MAP2K6: variants seen among roughly 807,000 people sequenced by gnomAD.
MAP2K6 encodes the protein dual specificity mitogen-activated protein kinase kinase 6.
In MAP2K6, 16 loss-of-function variants were observed where a neutral mutation model predicts 53.7. The ratio of observed to expected loss-of-function variants is 0.30; its 90% CI spans 0.20 to 0.45. MAP2K6 has a LOEUF of 0.45. Among genes scored for constraint, MAP2K6 ranks in the 20% least tolerant of loss-of-function variants. MAP2K6 has a pLI of 1.00. For synonymous variants in MAP2K6, 132 were observed against 143.1 expected, an observed-to-expected ratio of 0.92 and a Z score of 0.55; for missense variants, 204 against 411.9, an observed-to-expected ratio of 0.50 and a Z score of 4.37.
intron 11 of MAP2K6, among the ~76,000 whole-genome samples, chr17:69,539,467 C>T (rs1051503043): frequency 6.6e-6 from 1 of 152,134 alleles, no homozygotes; most frequent in African/African-American, 2.4e-5. Flanking sequence ...CCCTCTTAAC[C>T]TTTTACAGCC....
chr17:69,539,566 A>G (rs1003358326), intron 11 of MAP2K6, among the ~76,000 whole-genome samples: 4 of 151,876 alleles, frequency 2.6e-5, no homozygotes, highest in African/African-American at 7.3e-5. Flanking sequence ...CTCTCATAGC[A>G]TTTTCTCAAC....
intron 1 of MAP2K6, among the ~76,000 whole-genome samples, chr17:69,437,238 AT>A (rs1347296833): frequency 6.6e-6 from 1 of 152,244 alleles, no homozygotes; most frequent in African/African-American, 2.4e-5. Context: ...TGTTATGTGT[AT>A]TATATACTAT....
chr17:69,534,658 A>T (rs1911266184), intron 10 of MAP2K6, among the ~76,000 whole-genome samples: 1 of 151,570 alleles, frequency 6.6e-6, no homozygotes, highest in Non-Finnish European at 1.5e-5. Context: ...TTACCCCGTC[A>T]TGCTTAGCTT....
chr17:69,486,965 G>T (rs996376049), intron 1 of MAP2K6, among the ~76,000 whole-genome samples: 11 of 152,176 alleles, frequency 7.2e-5, no homozygotes, highest in African/African-American at 2.7e-4. Flanking sequence ...GTGAAAATAT[G>T]TTGGGCAAAG....
chr17:69,449,581 C>CTTTCTTTCTTTT (rs1907127173), intron 1 of MAP2K6, among the ~76,000 whole-genome samples: 1 of 94,576 alleles, frequency 1.1e-5, no homozygotes, highest in Admixed American at 1.0e-4. Flanking sequence ...TTCTTTCTTT[C>CTTTCTTTCTTTT]TTTCTTTCTT....
At chr17:69,535,786 G>A (rs776622511) in intron 10 of MAP2K6, among the ~76,000 whole-genome samples, 7 of 152,032 alleles carry the variant, frequency 4.6e-5, no homozygotes, top group Non-Finnish European at 8.8e-5. Context: ...TGGCATTAAA[G>A]CTGCTTTGAA....
intron 1 of MAP2K6, among the ~76,000 whole-genome samples, chr17:69,443,312 G>C (rs12453226): frequency 0.35 from 53,807 of 151,932 alleles, 10,479 homozygotes; most frequent in Admixed American, 0.43. Flanking sequence ...TGAACTTGGA[G>C]TAACCAAGCA....
chr17:69,484,133 A>G (rs188703731), intron 1 of MAP2K6, among the ~76,000 whole-genome samples: 79 of 152,240 alleles, frequency 5.2e-4, no homozygotes, highest in Non-Finnish European at 8.1e-4. Flanking sequence ...CAAAGACACA[A>G]TCAGGAAAGT....
chr17:69,509,595 A>G lies in MAP2K6; in HGVS notation c.83+3749A>G, dbSNP rs1284744794. ...AGACTGTTTTATTTTTTCTTTTCCA[A>G]TCTTTACTTTGATTTTTACTTTCAT... On this transcript the variant is annotated intron_variant, in intron 2 of 11. Coordinates refer to ENST00000590474, the MANE Select transcript of MAP2K6 (RefSeq NM_002758.4). Among the ~76,000 whole-genome samples the G allele has an allele frequency of 5.3e-5, 8 of 152,156 alleles. No individual in the cohort carries two copies. The East Asian group carries it at 1.2e-3, about 22-fold the overall frequency.
chr17:69,480,978 G>C (rs1156945160), intron 1 of MAP2K6, among the ~76,000 whole-genome samples: 2 of 152,092 alleles, frequency 1.3e-5, no homozygotes, highest in Non-Finnish European at 2.9e-5. Flanking sequence ...CCTTTTGAAA[G>C]ATGTTTAAAT....
Position 69,521,735 on chromosome 17 carries a change from G to T in MAP2K6, c.535+635G>T, listed in dbSNP as rs551004868. The T allele has an allele frequency of 3.6e-5, 5 of 137,140 alleles. No individual in the cohort carries two copies. In the Admixed American group the frequency reaches 4.1e-4, roughly 11 times the overall value. 8.5% of individuals were successfully genotyped at this position (137,140 alleles called of 1,614,324 possible). ...TAAAATGTAATAGATCCCCTGAGAGGTATCTGAGAAGAAAATATATTCTGA... is the reference window on the plus strand; with the variant it reads ...TAAAATGTAATAGATCCCCTGAGAGTTATCTGAGAAGAAAATATATTCTGA... On this transcript the variant is annotated intron_variant, in intron 7 of 11. Coordinates refer to ENST00000590474, the MANE Select transcript of MAP2K6 (RefSeq NM_002758.4).
chr17:69,517,642 A>G (rs768611007), intron 4 of MAP2K6, 29 bp downstream of exon 4: 6 of 1,513,946 alleles, frequency 4.0e-6, no homozygotes, highest in Admixed American at 3.7e-5. Flanking sequence ...CAAATGTTTT[A>G]TATCTGCTGT....
intron 1 of MAP2K6, among the ~76,000 whole-genome samples, chr17:69,472,440 G>A (rs1166385884): frequency 6.6e-6 from 1 of 152,152 alleles, no homozygotes; most frequent in Non-Finnish European, 1.5e-5. Context: ...CGCTGTCAGT[G>A]TGGAGTTTGT....
chr17:69,435,831 C>G (rs1052011236), intron 1 of MAP2K6, among the ~76,000 whole-genome samples: 32 of 152,040 alleles, frequency 2.1e-4, no homozygotes, highest in South Asian at 4.2e-4. Context: ...CCATGCCTGG[C>G]TAATTTTTAT....
chr17:69,506,908 A>G (rs929655064), intron 2 of MAP2K6, among the ~76,000 whole-genome samples: 1 of 152,102 alleles, frequency 6.6e-6, no homozygotes, highest in East Asian at 1.9e-4. Context: ...TGCAGGAGGA[A>G]GATCCGTCTT....
At chr17:69,480,613 A>G (rs2145191185) in intron 1 of MAP2K6, among the ~76,000 whole-genome samples, 1 of 152,328 alleles carries the variant, frequency 6.6e-6, no homozygotes, top group Non-Finnish European at 1.5e-5. Flanking sequence ...TCCTGAAACA[A>G]GAAGCTATAG....
chr17:69,438,070 T>G (rs937849312), intron 1 of MAP2K6, among the ~76,000 whole-genome samples: 12 of 152,364 alleles, frequency 7.9e-5, no homozygotes, highest in Admixed American at 4.6e-4. Flanking sequence ...TGAGAACTCA[T>G]CCAGGGGAAT....
Position 69,551,191 on chromosome 17 carries a change from G to A in MAP2K6, c.*9438G>A, listed in dbSNP as rs536495498. 7 of 152,260 alleles carry A rather than the reference G, an allele frequency of 4.6e-5. No individual in the cohort carries two copies. The South Asian group carries it at 6.2e-4, about 14-fold the overall frequency. The allele number at this position is 152,260 out of a possible 1,614,324, so 9.4% of individuals were successfully genotyped here. A position where few individuals can be genotyped will look rare whatever the true frequency, so the allele number is the denominator to read the frequency against. On this transcript the variant is annotated 3_prime_UTR_variant, in exon 12 of 12. Transcript: ENST00000590474. ...TAGGTTTGCAGAGGCAGGAGTTACC[G>A]TTTTTGTTCATTGACCTATCAGAAA...
chr17:69,494,071 G>T lies in MAP2K6; in HGVS notation c.17-11709G>T, dbSNP rs1418275567. Among the ~76,000 whole-genome samples, 1 of 152,174 alleles carries T rather than the reference G, an allele frequency of 6.6e-6. No homozygotes were observed. The highest frequency in any genetic ancestry group is 2.4e-5 in the African/African-American group (1 of 41,444). Reference sequence around the variant, plus strand: ...TCTGATCAATTTCTAACCAACAGAGGGATGTGTGAGTCAATAACAAGGGAT... The same window carrying T: ...TCTGATCAATTTCTAACCAACAGAGTGATGTGTGAGTCAATAACAAGGGAT... On this transcript the variant is annotated intron_variant, in intron 1 of 11. Transcript: ENST00000590474. The surrounding 1 kb of genome is among the most constrained non-coding windows in gnomAD (Gnocchi z 4.2).
Sources: gnomAD v4.1 joint callset for allele counts (sites outside exome capture counted in the v4.1 genomes callset) on GRCh38, gnomAD v4.1.1 for gene constraint, Gnocchi (gnomAD v3.1) non-coding constraint, MANE v1.5 for transcripts, NCBI Gene and HGNC (gene_info 2026-07-23, HGNC 2026-07-21) for gene names.